The following CAP2 variants were observed in gnomAD, a reference collection of about 807,000 sequenced individuals.
CAP2 encodes the protein cyclase associated actin cytoskeleton regulatory protein 2.
A neutral mutation model predicts 57.7 loss-of-function variants in CAP2; 24 were observed. That is an observed-to-expected ratio of 0.42 (90% CI 0.30 to 0.58). The LOEUF (loss-of-function observed/expected upper bound fraction) is 0.58. Ranked by LOEUF, CAP2 falls within the 20% of genes least tolerant of loss-of-function variation. CAP2 has a pLI of 0.22. For missense variants in CAP2, 501 were observed against 590.3 expected (o/e 0.85, Z 1.57); for synonymous variants, 194 against 207.2 (o/e 0.94, Z 0.55).
intron 4 of CAP2, 143 bp from the exon 5 acceptor site, chr6:17,507,026 G>A (rs149343601): frequency 3.8e-6 from 3 of 789,358 alleles, no homozygotes; most frequent in East Asian, 2.5e-5. Flanking sequence ...AATGCATGCT[G>A]TTCTCAAAGA....
At chr6:17,418,247 CT>C in intron 1 of CAP2, among the ~76,000 whole-genome samples, 1 of 152,236 alleles carries the variant, frequency 6.6e-6, no homozygotes, top group Admixed American at 6.5e-5. Flanking sequence ...CTGGTATAGT[CT>C]TTCTTTTATT....
At chr6:17,461,979 C>T (rs1410785199) in intron 3 of CAP2, among the ~76,000 whole-genome samples, 3 of 57,742 alleles carry the variant, frequency 5.2e-5, no homozygotes, top group East Asian at 1.1e-3. Flanking sequence ...GGCAACAGGG[C>T]GAGACTCCGT....
intron 12 of CAP2, 58 bp downstream of exon 12, chr6:17,551,662 C>T: frequency 7.5e-7 from 1 of 1,325,568 alleles, no homozygotes; most frequent in East Asian, 2.4e-5. Context: ...TATTAACATT[C>T]TTAGAGATTG....
At chr6:17,475,056 G>A (rs933804196) in intron 4 of CAP2, among the ~76,000 whole-genome samples, 5 of 152,070 alleles carry the variant, frequency 3.3e-5, no homozygotes, top group Non-Finnish European at 7.4e-5. Flanking sequence ...TTAGCTGGAT[G>A]TGGTGACGTG....
chr6:17,476,037 A>G (rs1046320046), intron 4 of CAP2, among the ~76,000 whole-genome samples: 1 of 152,230 alleles, frequency 6.6e-6, no homozygotes, highest in African/African-American at 2.4e-5. Flanking sequence ...TTGGATAGTC[A>G]TAATTGGATT....
intron 4 of CAP2, among the ~76,000 whole-genome samples, chr6:17,505,549 ATGT>A (rs1195931521): frequency 4.6e-5 from 7 of 152,362 alleles, no homozygotes; most frequent in African/African-American, 1.7e-4. Flanking sequence ...TGGTTCTAAT[ATGT>A]AGCCAAGGCT....
At chr6:17,434,194 G>A (rs1759813083) in intron 3 of CAP2, among the ~76,000 whole-genome samples, 1 of 150,860 alleles carries the variant, frequency 6.6e-6, no homozygotes, top group African/African-American at 2.4e-5. Context: ...TGCTTTTTTA[G>A]TAATTTAATT....
chr6:17,543,082 T>A lies in CAP2; in HGVS notation c.1148T>A (p.Leu383Gln), dbSNP rs1213254338. The A allele has an allele frequency of 6.2e-7, 1 of 1,614,158 alleles. No individual in the cohort carries two copies. Reference sequence around the variant, plus strand: ...ACAGACAACTGTAAAAAACTCGGCCTGGTGTTTGACAATGTGGTGGGCATT... The same window carrying A: ...ACAGACAACTGTAAAAAACTCGGCCAGGTGTTTGACAATGTGGTGGGCATT... The part of the protein sequence containing the change: ...IIIDNCKKLG[L>Q]VFDNVVGIVE... Residue 383 changes from leucine to glutamine, a missense_variant, in exon 11 of 13, where the codon CTG becomes CAG. By Grantham distance (113) the Leu-to-Gln change is moderately radical (BLOSUM62 -2). Coordinates refer to ENST00000229922, the MANE Select transcript of CAP2 (RefSeq NM_006366.3).
chr6:17,556,278 C>T (rs1643677204), intron 12 of CAP2, 81 bp from the exon 13 acceptor site: 3 of 973,290 alleles, frequency 3.1e-6, no homozygotes, highest in African/African-American at 3.2e-5. Context: ...ATCAGCCTCA[C>T]CATCTGTTTG....
In CAP2 at chr6:17,417,521, C is replaced by T. The variant is rs148305829; in HGVS notation, c.-1-4034C>T. 5.6e-3 allele frequency among the ~76,000 whole-genome samples: 852 copies of T among 152,162 alleles called. 8 individuals carry two copies. Among genetic ancestry groups the T allele is most frequent in the African/African-American group, 0.018 (767 of 41,512 alleles). ...AACTCTTGGGATCCAGCGATCCACC[C>T]GCCTCTGCCTCCCAAAGTGCTAGGA... On this transcript the variant is annotated intron_variant, in intron 1 of 12. Coordinates refer to ENST00000229922, the MANE Select transcript of CAP2 (RefSeq NM_006366.3).
chr6:17,469,705 C>A (rs889383527), intron 4 of CAP2, among the ~76,000 whole-genome samples: 2 of 152,234 alleles, frequency 1.3e-5, no homozygotes, highest in African/African-American at 4.8e-5. Context: ...ATAAAGCAGG[C>A]ATCTAAAACT....
Position 17,507,631 on chromosome 6 carries a change from G to A in CAP2, c.445-10G>A. Reference sequence around the variant, plus strand: ...CCTTCTATGCTTGGGTGACGGTCCTGTTTTCTCAGTCTCCCAAACCTGGTC... The same window carrying A: ...CCTTCTATGCTTGGGTGACGGTCCTATTTTCTCAGTCTCCCAAACCTGGTC... On this transcript the variant is annotated splice_polypyrimidine_tract_variant and intron_variant, in intron 5 of 12. Transcript: ENST00000229922. 9.0e-6 allele frequency: 14 copies of A among 1,552,662 alleles called. No individual in the cohort carries two copies. The highest frequency in any genetic ancestry group is 1.2e-5 in the Non-Finnish European group (14 of 1,125,154).
intron 3 of CAP2, among the ~76,000 whole-genome samples, chr6:17,459,093 G>T (rs955503998): frequency 6.6e-6 from 1 of 152,104 alleles, no homozygotes; most frequent in Non-Finnish European, 1.5e-5. Context: ...AAACACCATG[G>T]ACTGCTTCTG....
intron 7 of CAP2, among the ~76,000 whole-genome samples, chr6:17,528,553 T>C (rs909568479): frequency 1.3e-5 from 2 of 152,176 alleles, no homozygotes; most frequent in African/African-American, 4.8e-5. Context: ...TGGAGAATCA[T>C]GAAACCATCA....
rs574040511 is a variant in CAP2 at position 17,444,066 on chromosome 6, A to G, written c.222+17376A>G. On this transcript the variant is annotated intron_variant, in intron 3 of 12. Transcript: ENST00000229922. Reference sequence around the variant, plus strand: ...GACTTTCAATTGCTTTAGTTAAAACAAATTCATATACAGGTAAAGTAGCAT... The same window carrying G: ...GACTTTCAATTGCTTTAGTTAAAACGAATTCATATACAGGTAAAGTAGCAT... Among the ~76,000 whole-genome samples, 182 of 152,358 alleles carry G rather than the reference A, an allele frequency of 1.2e-3. 2 individuals are homozygous for G. Among genetic ancestry groups the G allele is most frequent in the Middle Eastern group, 0.01 (3 of 294 alleles).
chr6:17,414,110 C>A (rs575287649), intron 1 of CAP2, among the ~76,000 whole-genome samples: 2 of 151,420 alleles, frequency 1.3e-5, no homozygotes, highest in Non-Finnish European at 2.9e-5. Flanking sequence ...TGGTAGTTTA[C>A]CAAATATTTT....
rs148962330 is a variant in CAP2, at chr6:17,475,851, C to G, written c.300+12778C>G. ...GATGGTAATTATGCAGCTTGAACTA[C>G]AGAAACTGCAGCGCAGAAGAACTTC... is the stretch of plus-strand genomic sequence containing the variant. On this transcript the variant is annotated intron_variant, in intron 4 of 12. Coordinates refer to ENST00000229922, the MANE Select transcript of CAP2 (RefSeq NM_006366.3). Among the ~76,000 whole-genome samples, 307 of 152,328 alleles carry G rather than the reference C, an allele frequency of 2.0e-3. 1 individual carries two copies. Among genetic ancestry groups the G allele is most frequent in the African/African-American group, 7.1e-3 (293 of 41,556 alleles).
intron 7 of CAP2, among the ~76,000 whole-genome samples, chr6:17,525,059 G>A (rs1209268212): frequency 6.6e-6 from 1 of 151,704 alleles, no homozygotes; most frequent in Non-Finnish European, 1.5e-5. Flanking sequence ...ACCACACCTG[G>A]CTACTTTTTG....
intron 1 of CAP2, among the ~76,000 whole-genome samples, chr6:17,394,537 G>A (rs1830496): frequency 0.25 from 37,993 of 152,148 alleles, 4,951 homozygotes; most frequent in South Asian, 0.35. Flanking sequence ...CATTTAGGAA[G>A]TTGAACCGGG....
Sources: gnomAD v4.1 joint callset for allele counts (sites outside exome capture counted in the v4.1 genomes callset) on GRCh38, gnomAD v4.1.1 for gene constraint, MANE v1.5 for transcripts, NCBI Gene and HGNC (gene_info 2026-07-23, HGNC 2026-07-21) for gene names.